Variants in DNAH6 observed in about 807,000 individuals in gnomAD.
The protein encoded by DNAH6 is dynein axonemal heavy chain 6, also known as axonemal beta dynein heavy chain 6.
In DNAH6, 340 loss-of-function variants were observed where a neutral mutation model predicts 491.4. The observed-to-expected ratio is 0.69, with a 90% CI of 0.63 to 0.76. The LOEUF (loss-of-function observed/expected upper bound fraction) is 0.76. DNAH6 is among the 30% of genes least tolerant of loss of function. The pLI, the probability that DNAH6 is intolerant of heterozygous loss-of-function variation, is 0.00. For missense variants in DNAH6, 4,443 were observed against 4,972.2 expected (o/e 0.89, Z 3.20); for synonymous variants, 1,603 against 1,686.1 (o/e 0.95, Z 1.21).
intron 24 of DNAH6, among the ~76,000 whole-genome samples, chr2:84,620,270 A>G (rs771505385): frequency 6.6e-5 from 10 of 152,280 alleles, no homozygotes; most frequent in Admixed American, 1.3e-4. Flanking sequence ...AAAGATGGGG[A>G]TTAGTAATTG....
At chr2:84,699,868 A>G (rs1033778190) in intron 48 of DNAH6, 134 bp downstream of exon 48, 19 of 816,504 alleles carry the variant, frequency 2.3e-5, no homozygotes, top group Non-Finnish European at 3.0e-5. Context: ...TCATATAGAG[A>G]ATGACCGTGA....
chr2:84,796,886 G>C (rs1020823868), intron 69 of DNAH6, among the ~76,000 whole-genome samples: 1 of 151,992 alleles, frequency 6.6e-6, no homozygotes, highest in Non-Finnish European at 1.5e-5. Flanking sequence ...AAAAAATAAA[G>C]AAAAGAAAAT....
intron 59 of DNAH6, among the ~76,000 whole-genome samples, chr2:84,720,861 C>G (rs1158046536): frequency 6.6e-6 from 1 of 152,158 alleles, no homozygotes; most frequent in East Asian, 1.9e-4. Context: ...TGACTGCCAT[C>G]TTTATCTATA....
intron 32 of DNAH6, among the ~76,000 whole-genome samples, chr2:84,641,566 G>A (rs1373505958): frequency 6.6e-6 from 1 of 152,162 alleles, no homozygotes; most frequent in Non-Finnish European, 1.5e-5. Flanking sequence ...TCTAGAAAAG[G>A]GAGTCACTGG....
At chr2:84,708,696 C>A (rs1573558927) in intron 54 of DNAH6, among the ~76,000 whole-genome samples, 1 of 152,098 alleles carries the variant, frequency 6.6e-6, no homozygotes, top group East Asian at 1.9e-4. Context: ...AAAGTTTCAT[C>A]TACATGCATT....
intron 11 of DNAH6, among the ~76,000 whole-genome samples, chr2:84,562,862 T>C (rs1316194459): frequency 6.6e-6 from 1 of 152,194 alleles, no homozygotes; most frequent in Non-Finnish European, 1.5e-5. Flanking sequence ...TGATGTATTT[T>C]CCTTTGGGTA....
At position 84,744,145 on chromosome 2, in the gene DNAH6, G is replaced by C. The variant is rs76160655; in HGVS notation, c.10343-935G>C. Among the ~76,000 whole-genome samples, 272 of 152,250 alleles carry C rather than the reference G, an allele frequency of 1.8e-3. 9 individuals are homozygous for C. The East Asian group carries it at 0.036, about 20-fold the overall frequency. ...TGGTCAGAAGTGTCACTAAATTTTT[G>C]TGTCACTAGCTTTCTGATTGCTATG... On this transcript the variant is annotated intron_variant, in intron 62 of 76. Transcript: ENST00000389394.
intron 33 of DNAH6, among the ~76,000 whole-genome samples, chr2:84,649,741 G>T (rs574544020): frequency 6.6e-6 from 1 of 151,700 alleles, no homozygotes; most frequent in Admixed American, 6.6e-5. Flanking sequence ...CCTTTTCAGG[G>T]ACATGGATGA....
chr2:84,772,100 T>C (rs1333507151), intron 64 of DNAH6, among the ~76,000 whole-genome samples: 5 of 152,152 alleles, frequency 3.3e-5, no homozygotes, highest in African/African-American at 1.2e-4. Flanking sequence ...TAGTAGCAAA[T>C]TTTTTATACA....
At chr2:84,747,455 A>C (rs555806073) in intron 63 of DNAH6, among the ~76,000 whole-genome samples, 1 of 152,324 alleles carries the variant, frequency 6.6e-6, no homozygotes, top group Admixed American at 6.5e-5. Context: ...ATAATCCTTG[A>C]CACCATGTCC....
At chr2:84,512,108 G>T (rs892873230), upstream of DNAH6, among the ~76,000 whole-genome samples, 1 of 152,050 alleles carries the variant, frequency 6.6e-6, no homozygotes. Context: ...TGTTTTTCAG[G>T]CGTGTTTGTT....
intron 68 of DNAH6, among the ~76,000 whole-genome samples, chr2:84,788,415 A>G (rs1677424648): frequency 6.6e-6 from 1 of 152,222 alleles, no homozygotes; most frequent in Non-Finnish European, 1.5e-5. Flanking sequence ...ATCCCTATGT[A>G]ACAGCAGACT....
rs375133333 is a variant in DNAH6 at position 84,770,618 on chromosome 2, G to A, written c.10703+7673G>A. Among the ~76,000 whole-genome samples the A allele has an allele frequency of 9.5e-4, 144 of 152,180 alleles. 1 individual carries two copies. The South Asian group carries it at 0.03, about 31-fold the overall frequency. ...ATACAACAATAGATGTTAAGAAACA[G>A]AAGAAAATGTCACGAACATGCAGAT... is the stretch of plus-strand genomic sequence containing the variant. On this transcript the variant is annotated intron_variant, in intron 64 of 76. Transcript: ENST00000389394.
chr2:84,576,904 G>A (rs1682503953), intron 12 of DNAH6, among the ~76,000 whole-genome samples: 1 of 152,094 alleles, frequency 6.6e-6, no homozygotes, highest in African/African-American at 2.4e-5. Context: ...GACACCATGT[G>A]GGAGAGAACA....
intron 64 of DNAH6, among the ~76,000 whole-genome samples, chr2:84,766,427 T>C (rs1675082580): frequency 6.6e-6 from 1 of 152,146 alleles, no homozygotes; most frequent in South Asian, 2.1e-4. Flanking sequence ...TGCACATCCA[T>C]GTGTTAAAGG....
intron 58 of DNAH6, among the ~76,000 whole-genome samples, chr2:84,716,288 C>G (rs1428338641): frequency 6.6e-6 from 1 of 150,776 alleles, no homozygotes; most frequent in Non-Finnish European, 1.5e-5. Flanking sequence ...ATGAGACAAA[C>G]TTTAAAAATA....
At chr2:84,557,418 G>A (rs1019241876) in intron 10 of DNAH6, among the ~76,000 whole-genome samples, 6 of 151,196 alleles carry the variant, frequency 4.0e-5, no homozygotes, top group Non-Finnish European at 7.4e-5. Flanking sequence ...AGGCCGAGGC[G>A]GGTGGATCAT....
intron 54 of DNAH6, among the ~76,000 whole-genome samples, 198 bp from the exon 55 acceptor site, chr2:84,709,145 A>G (rs1390716984): frequency 6.6e-6 from 1 of 152,190 alleles, no homozygotes; most frequent in Non-Finnish European, 1.5e-5. Context: ...CATCTAACTA[A>G]TGGTATAGTC....
At chr2:84,611,971 T>C in intron 22 of DNAH6, 117 bp downstream of exon 22, 1 of 873,050 alleles carries the variant, frequency 1.1e-6, no homozygotes, top group Non-Finnish European at 1.7e-6. Flanking sequence ...CATTCAACCC[T>C]TGATTCTAGT....
Sources: allele counts gnomAD v4.1 joint callset (sites outside exome capture counted in the v4.1 genomes callset), GRCh38; gene constraint gnomAD v4.1.1; transcripts MANE v1.5; gene names NCBI Gene and HGNC (gene_info 2026-07-23, HGNC 2026-07-21).